The following CNTLN variants were observed in gnomAD, a reference collection of about 807,000 sequenced individuals.
CNTLN encodes centlein, also known as centlein, centrosomal protein.
A neutral mutation model predicts 180.0 loss-of-function variants in CNTLN; 212 were observed. The observed-to-expected ratio is 1.18, with a 90% CI of 1.05 to 1.32. CNTLN has a LOEUF of 1.32. Among genes scored for constraint, CNTLN ranks in the 40% most tolerant of loss-of-function variants. The pLI, the probability that CNTLN is intolerant of heterozygous loss-of-function variation, is 0.00. For missense variants in CNTLN, 2,095 were observed against 1,610.9 expected, an observed-to-expected ratio of 1.30 and a Z score of -5.14; for synonymous variants, 722 against 563.1, an observed-to-expected ratio of 1.28 and a Z score of -3.99.
chr9:17,388,311 G>C, intron 14 of CNTLN, 58 bp downstream of exon 14: 1 of 1,118,564 alleles, frequency 8.9e-7, no homozygotes, highest in Non-Finnish European at 1.3e-6. Flanking sequence ...TTAACATAAA[G>C]GATTATATTT....
intron 1 of CNTLN, among the ~76,000 whole-genome samples, chr9:17,142,641 G>A (rs1818183411): frequency 6.6e-6 from 1 of 152,104 alleles, no homozygotes; most frequent in African/African-American, 2.4e-5. Flanking sequence ...CTAGGGCAGT[G>A]GTTCTCAACC....
chr9:17,155,014 G>A (rs545199384), intron 2 of CNTLN, among the ~76,000 whole-genome samples: 8 of 152,220 alleles, frequency 5.3e-5, no homozygotes, highest in South Asian at 4.1e-4. Flanking sequence ...GCAAGACCAC[G>A]AACCACTGGG....
chr9:17,356,325 T>G (rs1344614161), intron 12 of CNTLN, among the ~76,000 whole-genome samples: 1 of 152,190 alleles, frequency 6.6e-6, no homozygotes, highest in African/African-American at 2.4e-5. Context: ...TCAGAGGAAG[T>G]AAACTCATCT....
intron 14 of CNTLN, among the ~76,000 whole-genome samples, chr9:17,393,062 G>T (rs1826231117): frequency 6.6e-6 from 1 of 152,140 alleles, no homozygotes; most frequent in Admixed American, 6.5e-5. Context: ...AGATCCAAGT[G>T]TCCAAGATCT....
chr9:17,426,845 G>A (rs540698677), intron 18 of CNTLN, among the ~76,000 whole-genome samples: 3 of 152,052 alleles, frequency 2.0e-5, no homozygotes, highest in Admixed American at 6.6e-5. Context: ...TCTTTGGGGA[G>A]CATTCATCCA....
chr9:17,214,148 C>T (rs554464726), intron 2 of CNTLN, among the ~76,000 whole-genome samples: 1 of 152,238 alleles, frequency 6.6e-6, no homozygotes, highest in South Asian at 2.1e-4. Flanking sequence ...TCTTCCTAGC[C>T]TCGATGGTCT....
chr9:17,332,109 T>A (rs1820684803), intron 9 of CNTLN, among the ~76,000 whole-genome samples: 1 of 152,084 alleles, frequency 6.6e-6, no homozygotes, highest in Admixed American at 6.5e-5. Context: ...TTATAGTTAA[T>A]GACCATATGG....
chr9:17,279,478 C>T (rs866981143), intron 6 of CNTLN, among the ~76,000 whole-genome samples: 9 of 152,196 alleles, frequency 5.9e-5, no homozygotes, highest in Middle Eastern at 3.4e-3. Flanking sequence ...TTAAAGGAGC[C>T]GTTGTTTGAT....
intron 2 of CNTLN, among the ~76,000 whole-genome samples, chr9:17,176,750 G>A (rs533696359): frequency 1.3e-5 from 2 of 152,230 alleles, no homozygotes; most frequent in South Asian, 2.1e-4. Flanking sequence ...TTGCCAATTC[G>A]CTTTCCTTAA....
At chr9:17,319,352 A>G (rs569594304) in intron 8 of CNTLN, among the ~76,000 whole-genome samples, 142 of 152,360 alleles carry the variant, frequency 9.3e-4, no homozygotes, top group Non-Finnish European at 1.8e-3. Context: ...GTTCCAGGTC[A>G]GGCTGATGGA....
intron 1 of CNTLN, among the ~76,000 whole-genome samples, chr9:17,142,623 G>T (rs186447621): frequency 1.3e-5 from 2 of 152,236 alleles, no homozygotes; most frequent in East Asian, 3.9e-4. Flanking sequence ...GGCCTGATAT[G>T]AGGTCACCTA....
intron 5 of CNTLN, among the ~76,000 whole-genome samples, chr9:17,249,266 TTG>T (rs1302485819): frequency 1.3e-5 from 2 of 152,064 alleles, no homozygotes; most frequent in African/African-American, 2.4e-5. Flanking sequence ...TTTTGTCGTG[TTG>T]TGTTTCTTTA....
chr9:17,395,171 GA>G, intron 15 of CNTLN, 102 bp downstream of exon 15: 1 of 1,436,604 alleles, frequency 7.0e-7, no homozygotes. Context: ...TTGGTATTCA[GA>G]AAAAATACTG....
rs1303387469 is a variant in CNTLN at position 17,457,560 on chromosome 9, AAAG to A, written c.3156_3158del (p.Glu1052del). 22 of 1,522,524 alleles carry A rather than the reference AAAG, an allele frequency of 1.4e-5. No homozygotes were observed. The highest frequency in any genetic ancestry group is 1.9e-5 in the Non-Finnish European group (21 of 1,133,174). The allele number at this position is 1,522,524 out of a possible 1,614,324, so 94.3% of individuals were successfully genotyped here. A position where few individuals can be genotyped will look rare whatever the true frequency, so the allele number is the denominator to read the frequency against. On this transcript the variant is annotated inframe_deletion, in exon 19 of 26. Transcript: ENST00000380647. ...GGATTTGGCTGGGCTTCGGAAAGAA[AAAG>A]AAGATTTACTAAAGAAATTGGAGTC... is the stretch of plus-strand genomic sequence containing the variant.
At chr9:17,519,859 C>T in the CNTLN span, among the ~76,000 whole-genome samples, 2 of 152,114 alleles carry the variant, frequency 1.3e-5, no homozygotes, top group African/African-American at 4.8e-5. Context: ...GTTTCTATTT[C>T]AAATATTAAC....
intron 25 of CNTLN, among the ~76,000 whole-genome samples, chr9:17,501,544 G>GC (rs767090592): frequency 2.6e-5 from 4 of 152,228 alleles, no homozygotes; most frequent in Non-Finnish European, 4.4e-5. Context: ...CCAGACAAAG[G>GC]CCGTTAGGCC....
At chr9:17,406,230 T>C (rs897946859) in intron 15 of CNTLN, among the ~76,000 whole-genome samples, 1 of 151,884 alleles carries the variant, frequency 6.6e-6, no homozygotes, top group African/African-American at 2.4e-5. Flanking sequence ...TGGATTTCTT[T>C]AGAAAAATAT....
intron 13 of CNTLN, among the ~76,000 whole-genome samples, chr9:17,383,075 C>G (rs10114662): frequency 0.49 from 75,070 of 151,866 alleles, 19,979 homozygotes; most frequent in Non-Finnish European, 0.59. Flanking sequence ...AAGCCTTTTT[C>G]TGTTCTCTTT....
At chr9:17,435,751 C>G (rs28639570) in intron 18 of CNTLN, among the ~76,000 whole-genome samples, 1 of 152,160 alleles carries the variant, frequency 6.6e-6, no homozygotes, top group Admixed American at 6.5e-5. Flanking sequence ...TTAGTAGAGA[C>G]AGGGTTTCAC....
Sources: allele counts gnomAD v4.1 joint callset (sites outside exome capture counted in the v4.1 genomes callset), GRCh38; gene constraint gnomAD v4.1.1; transcripts MANE v1.5; gene names NCBI Gene and HGNC (gene_info 2026-07-23, HGNC 2026-07-21).